DPH6: variants seen among roughly 807,000 people sequenced by gnomAD.
The protein encoded by DPH6 is diphthamine biosynthesis 6.
A neutral mutation model predicts 38.2 loss-of-function variants in DPH6; 33 were observed. That is an observed-to-expected ratio of 0.86 (90% confidence interval 0.65 to 1.15). The LOEUF (loss-of-function observed/expected upper bound fraction) is 1.15, where lower values mean the gene tolerates loss of function less well. Among genes scored for constraint, DPH6 ranks in the 50% most tolerant of loss-of-function variants. DPH6 has a pLI of 0.00. For synonymous variants in DPH6, 108 were observed against 103.0 expected (o/e 1.05, Z -0.30); for missense variants, 325 against 320.0 (o/e 1.02, Z -0.12).
the DPH6 span, among the ~76,000 whole-genome samples, chr15:35,210,570 T>A: frequency 6.6e-6 from 1 of 152,328 alleles, no homozygotes; most frequent in South Asian, 2.1e-4. Flanking sequence ...ATACACTATT[T>A]TAAATAGTGT....
chr15:35,488,879 C>T (rs2054439736), intron 3 of DPH6, among the ~76,000 whole-genome samples: 1 of 152,024 alleles, frequency 6.6e-6, no homozygotes, highest in Non-Finnish European at 1.5e-5. Context: ...TAAGTTCCCC[C>T]AAAATACACA....
chr15:35,320,519 C>T (rs2052230808), intron 3 of DPH6, among the ~76,000 whole-genome samples: 2 of 152,166 alleles, frequency 1.3e-5, no homozygotes, highest in South Asian at 4.1e-4. Flanking sequence ...TGTAAGAAAG[C>T]CAACTGCTTT....
intron 3 of DPH6, among the ~76,000 whole-genome samples, chr15:35,493,360 C>T (rs1013318379): frequency 1.3e-5 from 2 of 152,086 alleles, no homozygotes; most frequent in African/African-American, 4.8e-5. Flanking sequence ...CTAGTGAGAA[C>T]CTTTACATAT....
At chr15:35,413,802 C>A (rs1215339820) in intron 5 of DPH6, among the ~76,000 whole-genome samples, 2 of 151,442 alleles carry the variant, frequency 1.3e-5, no homozygotes, top group Non-Finnish European at 1.5e-5. Context: ...TATAAATTTT[C>A]TGTACATTAA....
chr15:35,237,341 C>G lies in DPH6; in HGVS notation n.201-16759G>C. 12 of 1,593,076 alleles carry G rather than the reference C, an allele frequency of 7.5e-6. No homozygotes were observed. In the South Asian group the frequency reaches 1.3e-4, roughly 18 times the overall value. On this transcript the variant is annotated intron_variant and non_coding_transcript_variant, in intron 3 of 3. Transcript: ENST00000560386. Reference sequence around the variant, plus strand: ...AACGCGAGAGATGAAGATGGGCAGACGGATTCATTTAGAGCTGCGGAACAG... The same window carrying G: ...AACGCGAGAGATGAAGATGGGCAGAGGGATTCATTTAGAGCTGCGGAACAG...
intron 5 of DPH6, among the ~76,000 whole-genome samples, chr15:35,415,426 AGC>A (rs2053424234): frequency 1.3e-5 from 2 of 152,158 alleles, no homozygotes; most frequent in East Asian, 3.9e-4. Context: ...AAGAGCATAG[AGC>A]TTTACACAGG....
At chr15:35,439,337 T>C (rs1197595862) in intron 5 of DPH6, among the ~76,000 whole-genome samples, 2 of 152,254 alleles carry the variant, frequency 1.3e-5, no homozygotes, top group Admixed American at 6.5e-5. Flanking sequence ...TAGCCTTTAA[T>C]AGAGTGGGGT....
At chr15:35,525,941 A>G (rs1199019673) in intron 3 of DPH6, among the ~76,000 whole-genome samples, 1 of 152,212 alleles carries the variant, frequency 6.6e-6, no homozygotes, top group African/African-American at 2.4e-5. Context: ...AATAAATCCT[A>G]TCTTAAAGTA....
At chr15:35,499,399 AT>A (rs1357460318) in intron 3 of DPH6, among the ~76,000 whole-genome samples, 1 of 152,102 alleles carries the variant, frequency 6.6e-6, no homozygotes, top group Non-Finnish European at 1.5e-5. Context: ...TTGGGCTGGT[AT>A]TTGTATCTCC....
intron 3 of DPH6, among the ~76,000 whole-genome samples, chr15:35,361,405 C>T (rs1264035434): frequency 6.6e-6 from 1 of 152,160 alleles, no homozygotes; most frequent in African/African-American, 2.4e-5. Context: ...TATCTAAGTG[C>T]AGGCCTTTTT....
At chr15:35,215,805 C>T (rs753427100), downstream of DPH6, among the ~76,000 whole-genome samples, 2 of 152,202 alleles carry the variant, frequency 1.3e-5, no homozygotes, top group Non-Finnish European at 2.9e-5. Context: ...CCTATTTTAA[C>T]GACAAGTGCA....
chr15:35,292,832 C>T (rs1367504856), intron 3 of DPH6, among the ~76,000 whole-genome samples: 1 of 151,976 alleles, frequency 6.6e-6, no homozygotes, highest in East Asian at 1.9e-4. Context: ...CACCCTTTGC[C>T]TGAAAATCTG....
At chr15:35,306,822 C>T (rs1306518142) in intron 3 of DPH6, among the ~76,000 whole-genome samples, 2 of 152,180 alleles carry the variant, frequency 1.3e-5, no homozygotes, top group Non-Finnish European at 2.9e-5. Flanking sequence ...GAGCTCTCTG[C>T]AGAGAACACA....
At chr15:35,176,418 C>G in the DPH6 span, among the ~76,000 whole-genome samples, 1 of 151,656 alleles carries the variant, frequency 6.6e-6, no homozygotes, top group Non-Finnish European at 1.5e-5. Context: ...TATCTTTTAT[C>G]TTCATTCCCA....
intron 5 of DPH6, among the ~76,000 whole-genome samples, chr15:35,419,153 C>T (rs144351743): frequency 0.026 from 3,918 of 151,802 alleles, 79 homozygotes; most frequent in African/African-American, 0.057. Context: ...CAAGTAGATA[C>T]CATTTTTAAA....
intron 3 of DPH6, among the ~76,000 whole-genome samples, chr15:35,255,128 T>C (rs2140412608): frequency 6.6e-6 from 1 of 152,288 alleles, no homozygotes; most frequent in African/African-American, 2.4e-5. Context: ...AAAAGTGAGC[T>C]TGCCTTACTT....
intron 3 of DPH6, among the ~76,000 whole-genome samples, chr15:35,362,647 G>A (rs2052623120): frequency 6.6e-6 from 1 of 152,142 alleles, no homozygotes; most frequent in African/African-American, 2.4e-5. Context: ...AGTCCCTTTA[G>A]TCATTGCCCC....
intron 3 of DPH6, among the ~76,000 whole-genome samples, chr15:35,354,346 C>T (rs1289326415): frequency 1.3e-5 from 2 of 152,094 alleles, no homozygotes; most frequent in Non-Finnish European, 2.9e-5. Context: ...AGAGAGCATC[C>T]CTGTCTTGTG....
chr15:35,403,696 C>T (rs1465581936), intron 6 of DPH6, among the ~76,000 whole-genome samples: 1 of 151,724 alleles, frequency 6.6e-6, no homozygotes, highest in African/African-American at 2.4e-5. Context: ...TTTTTGTAGT[C>T]GACAGTTTGC....
Sources: allele counts gnomAD v4.1 joint callset (sites outside exome capture counted in the v4.1 genomes callset), GRCh38; gene constraint gnomAD v4.1.1; transcripts MANE v1.5; gene names NCBI Gene and HGNC (gene_info 2026-07-23, HGNC 2026-07-21).